Variants in ATP2B2 observed in about 807,000 individuals in gnomAD.
ATP2B2 encodes plasma membrane calcium-transporting ATPase 2.
A neutral mutation model predicts 120.0 loss-of-function variants in ATP2B2; 15 were observed. That is an observed-to-expected ratio of 0.12 (90% CI 0.08 to 0.19). ATP2B2 has a LOEUF of 0.19. Among genes scored for constraint, ATP2B2 ranks in the 10% least tolerant of loss-of-function variants. ATP2B2 has a pLI of 1.00. For synonymous variants in ATP2B2, 694 were observed against 700.3 expected, an observed-to-expected ratio of 0.99 and a Z score of 0.14; for missense variants, 1,045 against 1,719.8, an observed-to-expected ratio of 0.61 and a Z score of 6.94.
intron 1 of ATP2B2, among the ~76,000 whole-genome samples, chr3:10,458,724 C>T (rs1396796387): frequency 6.6e-6 from 1 of 152,218 alleles, no homozygotes; most frequent in Non-Finnish European, 1.5e-5. Flanking sequence ...TAGCAAGTGC[C>T]TTCCATGGGC....
intron 2 of ATP2B2, among the ~76,000 whole-genome samples, chr3:10,617,389 T>C (rs2069420571): frequency 6.6e-6 from 1 of 152,140 alleles, no homozygotes; most frequent in Non-Finnish European, 1.5e-5. Context: ...TAAAACCCAA[T>C]CTACCCGCCT....
chr3:10,420,598 G>A (rs531235168), intron 2 of ATP2B2, among the ~76,000 whole-genome samples: 1 of 152,326 alleles, frequency 6.6e-6, no homozygotes, highest in African/African-American at 2.4e-5. Flanking sequence ...CTGACCTCAG[G>A]TGATCCACCC....
rs144897445 is a variant in ATP2B2 at position 10,570,780 on chromosome 3, G to A, written c.-414-36647C>T. 3.7e-3 allele frequency among the ~76,000 whole-genome samples: 563 copies of A among 152,252 alleles called. 9 individuals carry two copies. The highest frequency in any genetic ancestry group is 0.022 in the East Asian group (115 of 5,180). On this transcript the variant is annotated intron_variant, in intron 2 of 21. Transcript: ENST00000646379. ...GAGAGGCAAAGGCTCCCTGCCCCCT[G>A]CAATGAGACCTACTCTCCCCAGGAC...
At chr3:10,553,486 C>G (rs2067711884) in intron 2 of ATP2B2, among the ~76,000 whole-genome samples, 1 of 152,202 alleles carries the variant, frequency 6.6e-6, no homozygotes, top group Non-Finnish European at 1.5e-5. Context: ...TGTTCCAACT[C>G]TTGAGAATGA....
At chr3:10,366,122 C>T (rs923267593) in intron 12 of ATP2B2, among the ~76,000 whole-genome samples, 1 of 152,160 alleles carries the variant, frequency 6.6e-6, no homozygotes, top group African/African-American at 2.4e-5. Flanking sequence ...CTTGGCTTGG[C>T]AGGAGCCCAG....
intron 1 of ATP2B2, among the ~76,000 whole-genome samples, chr3:10,672,242 C>T (rs1375618140): frequency 6.6e-6 from 1 of 152,208 alleles, no homozygotes; most frequent in Admixed American, 6.5e-5. Context: ...AACCTCCTGG[C>T]GCTCCAGCTT....
chr3:10,488,356 C>T (rs1389955371), intron 1 of ATP2B2, among the ~76,000 whole-genome samples: 2 of 147,162 alleles, frequency 1.4e-5, no homozygotes, highest in African/African-American at 5.0e-5. Flanking sequence ...CATTCACTCA[C>T]CCACAAATCG....
intron 1 of ATP2B2, among the ~76,000 whole-genome samples, chr3:10,695,382 A>G (rs961548747): frequency 5.3e-5 from 8 of 152,080 alleles, no homozygotes; most frequent in African/African-American, 1.9e-4. Flanking sequence ...TGCTCCCATG[A>G]TTCAATTACC....
At chr3:10,467,151 T>C in intron 1 of ATP2B2, among the ~76,000 whole-genome samples, 1 of 152,260 alleles carries the variant, frequency 6.6e-6, no homozygotes, top group East Asian at 1.9e-4. Context: ...TCTCTGGTCA[T>C]GACACCCTCA....
chr3:10,350,926 CAG>C (rs1306465397), intron 14 of ATP2B2, among the ~76,000 whole-genome samples: 3 of 152,176 alleles, frequency 2.0e-5, no homozygotes, highest in African/African-American at 7.2e-5. Flanking sequence ...AACGCCTCCT[CAG>C]ATCTGGCCCC....
chr3:10,605,867 T>C (rs906990590), intron 2 of ATP2B2, among the ~76,000 whole-genome samples: 5 of 152,190 alleles, frequency 3.3e-5, no homozygotes, highest in Admixed American at 6.5e-5. Context: ...CAGGCTGGTC[T>C]TGAACTCCTG....
At chr3:10,523,403 C>T (rs1338419648) in intron 3 of ATP2B2, among the ~76,000 whole-genome samples, 1 of 152,232 alleles carries the variant, frequency 6.6e-6, no homozygotes, top group Admixed American at 6.5e-5. Flanking sequence ...GCCTCTCTAG[C>T]ATTTACTTTG....
At chr3:10,494,172 G>C (rs757022959) in intron 1 of ATP2B2, among the ~76,000 whole-genome samples, 1 of 152,120 alleles carries the variant, frequency 6.6e-6, no homozygotes, top group Non-Finnish European at 1.5e-5. Context: ...GGGGTCTATG[G>C]GGAAGGCTAG....
chr3:10,467,817 A>G (rs1453523881), intron 1 of ATP2B2, among the ~76,000 whole-genome samples: 2 of 151,954 alleles, frequency 1.3e-5, no homozygotes, highest in African/African-American at 4.8e-5. Flanking sequence ...TGAGCGTGAG[A>G]GCAGCAAAGT....
chr3:10,474,416 G>A (rs190711741), intron 1 of ATP2B2, among the ~76,000 whole-genome samples: 39 of 152,312 alleles, frequency 2.6e-4, no homozygotes, highest in South Asian at 1.0e-3. Flanking sequence ...GCAGCTTAAA[G>A]ATGGTATTTA....
chr3:10,473,276 T>G (rs1312610770), intron 1 of ATP2B2, among the ~76,000 whole-genome samples: 5 of 152,378 alleles, frequency 3.3e-5, no homozygotes, highest in African/African-American at 9.6e-5. Flanking sequence ...ACCTACTGTA[T>G]GCCAAGCATA....
At chr3:10,624,512 A>G (rs995106617) in intron 1 of ATP2B2, among the ~76,000 whole-genome samples, 3 of 152,146 alleles carry the variant, frequency 2.0e-5, no homozygotes, top group African/African-American at 4.8e-5. Flanking sequence ...GGGGTTGACA[A>G]TCTCAGCGCC....
chr3:10,429,326 GT>G (rs1371343295), intron 2 of ATP2B2, among the ~76,000 whole-genome samples: 2 of 152,156 alleles, frequency 1.3e-5, no homozygotes, highest in African/African-American at 4.8e-5. Context: ...CAAATTGAAG[GT>G]TTGCGGCAAC....
chr3:10,392,926 A>T (rs1369435760), intron 5 of ATP2B2, among the ~76,000 whole-genome samples: 1 of 152,196 alleles, frequency 6.6e-6, no homozygotes, highest in South Asian at 2.1e-4. Context: ...GGACAGCTAC[A>T]TCTCGGGAAG....
Sources: gnomAD v4.1 joint callset for allele counts (sites outside exome capture counted in the v4.1 genomes callset) on GRCh38, gnomAD v4.1.1 for gene constraint, MANE v1.5 for transcripts, NCBI Gene and HGNC (gene_info 2026-07-23, HGNC 2026-07-21) for gene names.